The following COL26A1 variants were observed in gnomAD, a reference collection of about 807,000 sequenced individuals.
COL26A1 encodes the protein collagen type XXVI alpha 1 chain.
In COL26A1, 41 loss-of-function variants were observed where a neutral mutation model predicts 59.3. The ratio of observed to expected loss-of-function variants is 0.69; its 90% CI spans 0.54 to 0.90. The LOEUF (loss-of-function observed/expected upper bound fraction) is 0.90, where lower values mean the gene tolerates loss of function less well. Among genes scored for constraint, COL26A1 ranks in the 40% least tolerant of loss-of-function variants. COL26A1 has a pLI of 0.00. For synonymous variants in COL26A1, 266 were observed against 256.0 expected, an observed-to-expected ratio of 1.04 and a Z score of -0.37; for missense variants, 612 against 602.3, an observed-to-expected ratio of 1.02 and a Z score of -0.17.
rs181769904 is a variant in COL26A1 at position 101,375,917 on chromosome 7, C to T, written c.158+12727C>T. Reference sequence around the variant, plus strand: ...AGGAGAATGGCATGAACCCGGGAGGCGGTGCTTGCAGTGAGCCAAGATCGC... The same window carrying T: ...AGGAGAATGGCATGAACCCGGGAGGTGGTGCTTGCAGTGAGCCAAGATCGC... On this transcript the variant is annotated intron_variant, in intron 1 of 12. Transcript: ENST00000313669. Among the ~76,000 whole-genome samples the T allele has an allele frequency of 6.3e-3, 898 of 143,132 alleles. 8 individuals carry two copies. Among genetic ancestry groups the T allele is most frequent in the South Asian group, 0.01 (47 of 4,492 alleles). 93.9% of individuals were successfully genotyped at this position (143,132 alleles called of 152,430 possible). A position where few individuals can be genotyped will look rare whatever the true frequency, so the allele number is the denominator to read the frequency against.
chr7:101,489,906 C>A (rs1694757670), intron 3 of COL26A1, among the ~76,000 whole-genome samples: 1 of 91,832 alleles, frequency 1.1e-5, no homozygotes, highest in Non-Finnish European at 2.1e-5. Context: ...TTCTTTCTTT[C>A]TTTCTTTCTT....
chr7:101,394,585 C>CTTTTTTTTTTTTTT (rs59966789), intron 1 of COL26A1, among the ~76,000 whole-genome samples: 3 of 122,794 alleles, frequency 2.4e-5, no homozygotes, highest in Admixed American at 9.5e-5. Context: ...TTTTTCTTTT[C>CTTTTTTTTTTTTTT]TTTTTTTTTT....
chr7:101,555,843 C>T lies in COL26A1; in HGVS notation c.1137C>T (p.Leu379=), dbSNP rs1473858154. 6.2e-7 allele frequency: 1 copy of T among 1,611,474 alleles called. No homozygotes were observed. Among genetic ancestry groups the T allele is most frequent in the South Asian group, 1.1e-5 (1 of 90,124 alleles). The part of the protein sequence containing the change: ...EALKILAERV[L]ILEHMIGIHD... ...TGAAGATCCTGGCAGAGCGAGTCCT[C>T]ATCCTGGAGCACATGATTGGGATCC... is the stretch of plus-strand genomic sequence containing the variant. The change falls in exon 12 of 13, where the codon CTC becomes CTT. Residue 379 remains leucine (L), a synonymous_variant. Transcript: ENST00000313669.
intron 3 of COL26A1, among the ~76,000 whole-genome samples, chr7:101,498,081 T>C (rs1291184016): frequency 6.6e-6 from 1 of 152,216 alleles, no homozygotes; most frequent in East Asian, 1.9e-4. Context: ...CAATTGGTCA[T>C]TTCAAAGTTA....
chr7:101,362,628 T>G (rs1790915797), upstream of COL26A1, among the ~76,000 whole-genome samples: 1 of 152,226 alleles, frequency 6.6e-6, no homozygotes, highest in Non-Finnish European at 1.5e-5. Context: ...CCGAAAGCAT[T>G]CGCGGACCCG....
intron 3 of COL26A1, among the ~76,000 whole-genome samples, chr7:101,458,360 G>T (rs536496701): frequency 1.3e-5 from 2 of 152,244 alleles, no homozygotes; most frequent in African/African-American, 4.8e-5. Context: ...TTTAGGCCGG[G>T]CACAGTGGCT....
intron 5 of COL26A1, among the ~76,000 whole-genome samples, chr7:101,540,463 G>A (rs189280686): frequency 0.035 from 5,338 of 150,542 alleles, 161 homozygotes; most frequent in Middle Eastern, 0.082. Context: ...GCTTGAACCC[G>A]GAAGGCGGAG....
intron 3 of COL26A1, among the ~76,000 whole-genome samples, chr7:101,451,169 A>G (rs1400113985): frequency 7.0e-6 from 1 of 142,408 alleles, no homozygotes; most frequent in Non-Finnish European, 1.5e-5. Context: ...TGAGATATAT[A>G]TGTAATATAT....
intron 3 of COL26A1, among the ~76,000 whole-genome samples, chr7:101,518,571 G>A (rs1795078230): frequency 6.6e-6 from 1 of 152,240 alleles, no homozygotes; most frequent in Non-Finnish European, 1.5e-5. Flanking sequence ...CCAGCTGCCA[G>A]CTTTGCGGGG....
intron 3 of COL26A1, among the ~76,000 whole-genome samples, chr7:101,492,175 C>G (rs10261631): frequency 5.3e-4 from 80 of 152,232 alleles, no homozygotes; most frequent in African/African-American, 1.9e-3. Context: ...ACATTTCCTG[C>G]TCTTTCCTCT....
At chr7:101,439,516 T>G in intron 2 of COL26A1, among the ~76,000 whole-genome samples, 1 of 127,374 alleles carries the variant, frequency 7.9e-6, no homozygotes, top group South Asian at 2.7e-4. Context: ...ATTGTGCCAC[T>G]GCACTCCAGC....
intron 12 of COL26A1, among the ~76,000 whole-genome samples, chr7:101,556,704 G>A (rs1795982781): frequency 6.7e-6 from 1 of 149,978 alleles, no homozygotes; most frequent in African/African-American, 2.5e-5. Context: ...ATGAGTGGAT[G>A]GATAAGTGGG....
At chr7:101,549,485 A>T (rs558289813) in intron 9 of COL26A1, among the ~76,000 whole-genome samples, 6 of 152,130 alleles carry the variant, frequency 3.9e-5, no homozygotes, top group Non-Finnish European at 7.4e-5. Flanking sequence ...GATTCAAGTG[A>T]TTCTCCTGCC....
chr7:101,391,469 C>G (rs77301400), intron 1 of COL26A1, among the ~76,000 whole-genome samples: 9,381 of 152,224 alleles, frequency 0.062, 666 homozygotes, highest in African/African-American at 0.16. Context: ...CAGAAGCAAA[C>G]TAGAGTCTTC....
At chr7:101,424,955 C>T (rs1792608325) in intron 2 of COL26A1, among the ~76,000 whole-genome samples, 1 of 152,082 alleles carries the variant, frequency 6.6e-6, no homozygotes, top group East Asian at 1.9e-4. Flanking sequence ...CAGGATCTCC[C>T]TTTGTCCCCC....
intron 2 of COL26A1, among the ~76,000 whole-genome samples, chr7:101,438,887 T>C (rs1019501970): frequency 4.9e-5 from 7 of 143,826 alleles, no homozygotes; most frequent in African/African-American, 1.7e-4. Context: ...TTTCACCATG[T>C]TTGTCAGGCT....
chr7:101,377,149 G>C (rs914726849), intron 1 of COL26A1, among the ~76,000 whole-genome samples: 1 of 152,026 alleles, frequency 6.6e-6, no homozygotes, highest in Non-Finnish European at 1.5e-5. Flanking sequence ...CTGAGCCACT[G>C]TGCCTGGCCT....
chr7:101,415,660 T>C (rs753683007), intron 1 of COL26A1, among the ~76,000 whole-genome samples: 13 of 152,160 alleles, frequency 8.5e-5, no homozygotes, highest in Non-Finnish European at 1.6e-4. Context: ...AGACAGGGTC[T>C]GGCTCTGTCA....
chr7:101,414,075 C>T (rs549514646), intron 1 of COL26A1, among the ~76,000 whole-genome samples: 16 of 152,294 alleles, frequency 1.1e-4, no homozygotes, highest in African/African-American at 3.8e-4. Flanking sequence ...CCGCGGCTAC[C>T]TGGGGATGCA....
Sources: allele counts gnomAD v4.1 joint callset (sites outside exome capture counted in the v4.1 genomes callset), GRCh38; gene constraint gnomAD v4.1.1; transcripts MANE v1.5; gene names NCBI Gene and HGNC (gene_info 2026-07-23, HGNC 2026-07-21).